RASGRF1: variants seen among roughly 807,000 people sequenced by gnomAD.
RASGRF1 encodes Ras protein specific guanine nucleotide releasing factor 1.
RASGRF1 carries 40 observed loss-of-function variants against 138.7 expected under a neutral mutation model. The ratio of observed to expected loss-of-function variants is 0.29; its 90% CI spans 0.22 to 0.38. The LOEUF is 0.38. Ranked by LOEUF, RASGRF1 falls within the 10% of genes least tolerant of loss-of-function variation. The pLI, the probability that RASGRF1 is intolerant of heterozygous loss-of-function variation, is 1.00. For missense variants in RASGRF1, 1,108 were observed against 1,650.4 expected, an observed-to-expected ratio of 0.67 and a Z score of 5.69; for synonymous variants, 614 against 663.2, an observed-to-expected ratio of 0.93 and a Z score of 1.14.
At chr15:78,978,210 CTTTTCTTTTGTTTTTTTTTTTTT>C (rs1465025720) in intron 24 of RASGRF1, among the ~76,000 whole-genome samples, 3 of 122,212 alleles carry the variant, frequency 2.5e-5, no homozygotes, top group African/African-American at 3.8e-5. Flanking sequence ...TTTTCTTTTT[CTTTTCTTTTGTTTTTTTTTTTTT>C]TTTTTTTTTT....
intron 24 of RASGRF1, among the ~76,000 whole-genome samples, chr15:78,979,582 G>C (rs1258444064): frequency 6.6e-6 from 1 of 152,250 alleles, no homozygotes; most frequent in Non-Finnish European, 1.5e-5. Context: ...GTTGAGACTA[G>C]TGCAGAAGCC....
At chr15:79,000,449 C>A (rs1469274275) in intron 16 of RASGRF1, among the ~76,000 whole-genome samples, 2 of 152,136 alleles carry the variant, frequency 1.3e-5, no homozygotes, top group Non-Finnish European at 2.9e-5. Context: ...AGTCATTTAA[C>A]CCCTCTGGGT....
At chr15:79,035,759 A>G (rs1159967063) in intron 5 of RASGRF1, among the ~76,000 whole-genome samples, 1 of 152,194 alleles carries the variant, frequency 6.6e-6, no homozygotes, top group East Asian at 1.9e-4. Context: ...CCTTCTGTGT[A>G]AAATATGAAG....
rs149177359 is a variant in RASGRF1 at position 78,998,176 on chromosome 15, C to T, written c.2886G>A (p.Lys962=). 8.7e-5 allele frequency: 141 copies of T among 1,614,166 alleles called. No individual in the cohort carries two copies. The African/African-American group carries it at 1.7e-3, about 19-fold the overall frequency. The change falls in exon 19 of 27, where the codon AAG becomes AAA. Residue 962 remains lysine (K), a synonymous_variant. Coordinates refer to ENST00000558480, the MANE Select transcript of RASGRF1 (RefSeq NM_001145648.3). ...DFETNDELKC[K]VIGFLEEVMH... ...TGACTTCTTCCAGGAAGCCGATCAC[C>T]TTGCATTTGAGCTCATCGTTGGTCT... is the stretch of plus-strand genomic sequence containing the variant.
At chr15:79,003,777 C>T (rs1417959161) in intron 15 of RASGRF1, 25 bp downstream of exon 15, 2 of 1,557,712 alleles carry the variant, frequency 1.3e-6, no homozygotes, top group East Asian at 2.3e-5. Flanking sequence ...GGCTGGGGGG[C>T]AGCTCCGACG....
intron 1 of RASGRF1, among the ~76,000 whole-genome samples, chr15:79,079,973 A>G (rs942462520): frequency 6.6e-6 from 1 of 152,156 alleles, no homozygotes; most frequent in Non-Finnish European, 1.5e-5. Context: ...CTCCCCTAAG[A>G]GCCAGCAGAT....
chr15:79,001,073 G>A (rs2056512134), intron 16 of RASGRF1, among the ~76,000 whole-genome samples: 1 of 152,230 alleles, frequency 6.6e-6, no homozygotes, highest in South Asian at 2.1e-4. Flanking sequence ...CGGAGACCAA[G>A]ACTGCTTCTC....
At chr15:79,024,416 C>T (rs536387996) in intron 10 of RASGRF1, among the ~76,000 whole-genome samples, 1 of 152,030 alleles carries the variant, frequency 6.6e-6, no homozygotes, top group South Asian at 2.1e-4. Context: ...CAAATATATA[C>T]ACACACATGC....
intron 13 of RASGRF1, among the ~76,000 whole-genome samples, chr15:79,011,784 C>T: frequency 6.6e-6 from 1 of 152,202 alleles, no homozygotes; most frequent in East Asian, 1.9e-4. Flanking sequence ...GTGTGGTCCT[C>T]CCATCTGCAC....
chr15:78,969,655 T>G (rs1567419799), intron 26 of RASGRF1, among the ~76,000 whole-genome samples: 1 of 151,894 alleles, frequency 6.6e-6, no homozygotes, highest in South Asian at 2.1e-4. Flanking sequence ...GGTGACAGAG[T>G]AAGACTCTGT....
intron 1 of RASGRF1, among the ~76,000 whole-genome samples, chr15:79,079,344 A>G (rs1162832246): frequency 6.6e-6 from 1 of 152,192 alleles, no homozygotes; most frequent in African/African-American, 2.4e-5. Context: ...GCTTCTGTCA[A>G]AAACTTGGTT....
rs868606443 is a variant in RASGRF1 at position 78,998,354 on chromosome 15, G to A, written c.2854-146C>T. On this transcript the variant is annotated intron_variant, in intron 18 of 26. Transcript: ENST00000558480. ...CTCATTTCCTTTCTGTTGGCTTCCT[G>A]GCAGGGCATGAGAGGCTCTCCAGGC... is the stretch of plus-strand genomic sequence containing the variant. 16 of 712,302 alleles carry A rather than the reference G, an allele frequency of 2.2e-5. No individual in the cohort carries two copies. In the South Asian group the frequency reaches 2.4e-4, roughly 11 times the overall value. 44.1% of individuals were successfully genotyped at this position (712,302 alleles called of 1,614,324 possible). A position where few individuals can be genotyped will look rare whatever the true frequency, so the allele number is the denominator to read the frequency against.
intron 4 of RASGRF1, among the ~76,000 whole-genome samples, chr15:79,048,190 C>G (rs2057380462): frequency 6.6e-6 from 1 of 152,198 alleles, no homozygotes; most frequent in Admixed American, 6.5e-5. Flanking sequence ...GGACTTGACT[C>G]AGACCTGGGT....
At chr15:79,061,119 C>A (rs1038132637) in intron 2 of RASGRF1, among the ~76,000 whole-genome samples, 37 of 152,126 alleles carry the variant, frequency 2.4e-4, no homozygotes, top group African/African-American at 8.9e-4. Flanking sequence ...CCCCTCCTCC[C>A]CTTCTTAGCT....
rs1347773585 is a variant in RASGRF1 at position 78,961,015 on chromosome 15, A to G, written c.*1129T>C. The G allele has an allele frequency of 6.6e-6, 1 of 152,210 alleles. No homozygotes were observed. Among genetic ancestry groups the G allele is most frequent in the Non-Finnish European group, 1.5e-5 (1 of 68,030 alleles). The allele number at this position is 152,210 out of a possible 1,614,324, so 9.4% of individuals were successfully genotyped here. A position where few individuals can be genotyped will look rare whatever the true frequency, so the allele number is the denominator to read the frequency against. ...AAGCTGTAAGTTGAAATATTTTAGG[A>G]CTTGAAATAGAATTCTCATACCACT... On this transcript the variant is annotated 3_prime_UTR_variant, in exon 27 of 27. Coordinates refer to ENST00000558480, the MANE Select transcript of RASGRF1 (RefSeq NM_001145648.3).
chr15:79,063,196 GA>G (rs1459655844), intron 2 of RASGRF1, among the ~76,000 whole-genome samples: 2 of 152,158 alleles, frequency 1.3e-5, no homozygotes, highest in African/African-American at 4.8e-5. Flanking sequence ...ATCCCTGGGG[GA>G]ATACTTATGT....
intron 1 of RASGRF1, among the ~76,000 whole-genome samples, chr15:79,072,479 G>A (rs1226259395): frequency 6.6e-6 from 1 of 151,138 alleles, no homozygotes; most frequent in Admixed American, 6.6e-5. Context: ...GTTTCACCGT[G>A]TTAGCCAGGA....
At chr15:78,971,755 G>A (rs4238514) in intron 26 of RASGRF1, 111 bp downstream of exon 26, 987,054 of 1,042,842 alleles carry the variant, frequency 0.95, 470,411 homozygotes, top group Non-Finnish European at 0.97. Flanking sequence ...AGCTGGGCTC[G>A]AGAGAATTCT....
At chr15:78,971,468 C>T (rs1187839750) in intron 26 of RASGRF1, among the ~76,000 whole-genome samples, 1 of 152,166 alleles carries the variant, frequency 6.6e-6, no homozygotes, top group Non-Finnish European at 1.5e-5. Context: ...GACCTAGACA[C>T]AAGAAACGGG....
Sources: gnomAD v4.1 joint callset for allele counts (sites outside exome capture counted in the v4.1 genomes callset) on GRCh38, gnomAD v4.1.1 for gene constraint, MANE v1.5 for transcripts, NCBI Gene and HGNC (gene_info 2026-07-23, HGNC 2026-07-21) for gene names.